Variants in ZNF496 observed in about 807,000 individuals in gnomAD.
ZNF496 encodes the protein zinc finger protein 496, also known as NSD1 (nuclear receptor binding SET-domain containing 1)-interacting zinc finger protein 1.
A neutral mutation model predicts 58.9 loss-of-function variants in ZNF496; 11 were observed. That is an observed-to-expected ratio of 0.19 (90% CI 0.12 to 0.31). ZNF496 has a LOEUF of 0.31. ZNF496 is among the 10% of genes least tolerant of loss of function. The pLI is 1.00. For synonymous variants in ZNF496, 338 were observed against 318.2 expected (o/e 1.06, Z -0.66); for missense variants, 660 against 783.0 (o/e 0.84, Z 1.88).
rs889771626 is a variant in ZNF496, at chr1:247,328,726, C to T, written c.531G>A (p.Leu177=). The change falls in exon 5 of 10, where the codon CTG becomes CTA. Residue 177 remains leucine, a synonymous_variant. Coordinates refer to ENST00000682384, the MANE Select transcript of ZNF496 (RefSeq NM_032752.3). ...DAQPITLAQC[L]GLPSRPPSQL... is the part of the protein sequence containing the mutation. ...GGCTTGGTGGTCTGCTTGGGAGCCC[C>T]AGGCACTGTGCCAGGGTTATGGGCT... 3 of 1,610,348 alleles carry T rather than the reference C, an allele frequency of 1.9e-6. No homozygotes were observed. In the African/African-American group the frequency reaches 4.0e-5, roughly 22 times the overall value.
intron 9 of ZNF496, among the ~76,000 whole-genome samples, chr1:247,305,494 G>A (rs1659379606): frequency 6.6e-6 from 1 of 152,212 alleles, no homozygotes; most frequent in African/African-American, 2.4e-5. Flanking sequence ...CCAGGCTGCT[G>A]CAAGTGCTTG....
At chr1:247,325,537 A>G (rs1311144084) in intron 5 of ZNF496, among the ~76,000 whole-genome samples, 1 of 152,232 alleles carries the variant, frequency 6.6e-6, no homozygotes, top group Non-Finnish European at 1.5e-5. Flanking sequence ...TTACTTTCTT[A>G]GCAATTTTCA....
rs143093142 is a variant in ZNF496, at chr1:247,329,490, C to T, written c.89G>A (p.Ser30Asn). 2.9e-5 allele frequency: 46 copies of T among 1,602,834 alleles called. No individual in the cohort carries two copies. The African/African-American group carries it at 5.5e-4, about 19-fold the overall frequency. The change falls in exon 4 of 10, where the codon AGC becomes AAC. Residue 30 changes from serine to asparagine, a missense_variant. Physicochemically the swap from Ser to Asn is conservative, Grantham distance 46 (BLOSUM62 1). Coordinates refer to ENST00000682384, the MANE Select transcript of ZNF496 (RefSeq NM_032752.3). This position sits in a 1 kb window ranked among gnomAD's most constrained non-coding sequence, Gnocchi z 5.5. ...KMRSPPGENP[S>N]PQGELPSPES... ...GGGGCTGGGAAGCTCCCCCTGGGGG[C>T]TAGGGTTCTCTCCAGGTGGGCTCCT...
rs1659816381 is a variant in ZNF496 at position 247,317,437 on chromosome 1, G to A, written c.651+5717C>T. Among the ~76,000 whole-genome samples the A allele has an allele frequency of 2.0e-5, 3 of 152,282 alleles. No individual in the cohort carries two copies. The South Asian group carries it at 6.2e-4, about 32-fold the overall frequency. The stretch of plus-strand genomic sequence containing the variant: ...CTGTGGCCCCTTCTTACCAACACCA[G>A]CAGAGAATGACTGGGGAGCCTAGAC... On this transcript the variant is annotated intron_variant, in intron 6 of 9. Transcript: ENST00000682384.
intron 9 of ZNF496, chr1:247,304,128 G>A (rs966285423): frequency 2.6e-6 from 1 of 388,700 alleles, no homozygotes; most frequent in African/African-American, 2.1e-5. Flanking sequence ...CTGGCCGATA[G>A]ATCTATCTGG....
At chr1:247,304,676 G>C (rs1390656460) in intron 9 of ZNF496, among the ~76,000 whole-genome samples, 2 of 152,146 alleles carry the variant, frequency 1.3e-5, no homozygotes, top group Non-Finnish European at 2.9e-5. Flanking sequence ...ACCTAGCCCT[G>C]ACCTGCTAGA....
At chr1:247,330,667 G>C (rs1660292382) in intron 2 of ZNF496, among the ~76,000 whole-genome samples, 1 of 152,296 alleles carries the variant, frequency 6.6e-6, no homozygotes, top group East Asian at 1.9e-4. Context: ...GGGCACATGG[G>C]GACACTCACA....
chr1:247,319,335 C>T (rs1313199083), intron 6 of ZNF496, among the ~76,000 whole-genome samples: 1 of 152,154 alleles, frequency 6.6e-6, no homozygotes, highest in African/African-American at 2.4e-5. Flanking sequence ...AAATGATACT[C>T]AGTAGATAAG....
intron 2 of ZNF496, among the ~76,000 whole-genome samples, chr1:247,331,230 A>T (rs886423659): frequency 3.9e-5 from 6 of 152,186 alleles, no homozygotes; most frequent in African/African-American, 1.4e-4. Context: ...ATGCCTGATG[A>T]ATGAACTAAC....
At chr1:247,307,812 T>A in intron 9 of ZNF496, 1 of 985,162 alleles carries the variant, frequency 1.0e-6, no homozygotes, top group South Asian at 4.7e-5. Context: ...GAGGCTTGGG[T>A]TTTGTATTGA....
rs1314071501 is a variant in ZNF496 at position 247,329,740 on chromosome 1, T to C, written c.-37-125A>G. The C allele has an allele frequency of 2.3e-5, 20 of 870,978 alleles. No homozygotes were observed. Among genetic ancestry groups the C allele is most frequent in the African/African-American group, 2.2e-4 (13 of 59,086 alleles). The allele number at this position is 870,978 out of a possible 1,614,324, so 54.0% of individuals were successfully genotyped here. On this transcript the variant is annotated intron_variant, in intron 3 of 9. Transcript: ENST00000682384. The surrounding 1 kb of genome is among the most constrained non-coding windows in gnomAD (Gnocchi z 5.5). The stretch of plus-strand genomic sequence containing the variant: ...CCCTTTGGAGAAGCCCTGGGAAAGG[T>C]AGGGAGTGTTGGTGTGGCTGGTCTT...
At chr1:247,319,106 C>CA (rs1484074222) in intron 6 of ZNF496, among the ~76,000 whole-genome samples, 3 of 152,204 alleles carry the variant, frequency 2.0e-5, no homozygotes, top group Non-Finnish European at 4.4e-5. Flanking sequence ...CTCAGCTTCC[C>CA]AAGTAGCTGG....
At chr1:247,320,668 G>A (rs1659935093) in intron 6 of ZNF496, among the ~76,000 whole-genome samples, 1 of 152,158 alleles carries the variant, frequency 6.6e-6, no homozygotes, top group Admixed American at 6.5e-5. Flanking sequence ...GGATCTCTCT[G>A]TGTTATTTCT....
At chr1:247,326,829 A>G (rs1660143303) in intron 5 of ZNF496, among the ~76,000 whole-genome samples, 1 of 152,206 alleles carries the variant, frequency 6.6e-6, no homozygotes, top group African/African-American at 2.4e-5. Context: ...AGACACAGAC[A>G]CACACAAAGG....
At chr1:247,324,327 G>A (rs7418221) in intron 5 of ZNF496, among the ~76,000 whole-genome samples, 3 of 152,062 alleles carry the variant, frequency 2.0e-5, no homozygotes, top group Non-Finnish European at 2.9e-5. Context: ...GAGGGGACTG[G>A]GGAGACATTG....
At chr1:247,318,337 A>G (rs1309623813) in intron 6 of ZNF496, among the ~76,000 whole-genome samples, 1 of 152,244 alleles carries the variant, frequency 6.6e-6, no homozygotes, top group African/African-American at 2.4e-5. Context: ...ATCTAGCTTA[A>G]GAATTCCCAA....
At chr1:247,328,305 A>T (rs1660203933) in intron 5 of ZNF496, among the ~76,000 whole-genome samples, 1 of 152,178 alleles carries the variant, frequency 6.6e-6, no homozygotes, top group Non-Finnish European at 1.5e-5. Flanking sequence ...AGGTTCCAAG[A>T]GACAAGAAAT....
rs3850825 is a variant in ZNF496, at chr1:247,297,425, A to G, written c.*3094T>C. 38,962 of 152,036 alleles carry G rather than the reference A, an allele frequency of 0.26. 5,258 individuals are homozygous for G. Among genetic ancestry groups the G allele is most frequent in the East Asian group, 0.41 (2,137 of 5,172 alleles). The allele number at this position is 152,036 out of a possible 1,614,324, so 9.4% of individuals were successfully genotyped here. A position where few individuals can be genotyped will look rare whatever the true frequency, so the allele number is the denominator to read the frequency against. ...AGCCTAACAGGAATATTGACTCAGC[A>G]AGTTTTTATTATGCACCTGTGGGTT... is the stretch of plus-strand genomic sequence containing the variant. On this transcript the variant is annotated 3_prime_UTR_variant, in exon 10 of 10. Transcript: ENST00000682384.
intron 6 of ZNF496, among the ~76,000 whole-genome samples, chr1:247,315,778 T>G (rs1228908460): frequency 6.6e-6 from 1 of 152,166 alleles, no homozygotes; most frequent in Non-Finnish European, 1.5e-5. Context: ...AGAGAATACC[T>G]CAAAAATTCT....
Sources: allele counts gnomAD v4.1 joint callset (sites outside exome capture counted in the v4.1 genomes callset), GRCh38; gene constraint gnomAD v4.1.1; non-coding constraint Gnocchi (gnomAD v3.1); transcripts MANE v1.5; gene names NCBI Gene and HGNC (gene_info 2026-07-23, HGNC 2026-07-21).